PDCD6: variants seen among roughly 807,000 people sequenced by gnomAD.
PDCD6 encodes programmed cell death 6.
Under a neutral mutation model 28.3 loss-of-function variants are expected in PDCD6, and 12 were observed. The observed-to-expected ratio is 0.42, with a 90% confidence interval of 0.27 to 0.69. The LOEUF is 0.69. Among genes scored for constraint, PDCD6 ranks in the 30% least tolerant of loss-of-function variants. The pLI is 0.22. For synonymous variants in PDCD6, 92 were observed against 108.0 expected (o/e 0.85, Z 0.92); for missense variants, 226 against 269.9 (o/e 0.84, Z 1.14).
intron 2 of PDCD6, among the ~76,000 whole-genome samples, chr5:274,547 T>G (rs1414593416): frequency 6.6e-6 from 1 of 152,256 alleles, no homozygotes; most frequent in Non-Finnish European, 1.5e-5. Flanking sequence ...TCAGTAATTG[T>G]CAGCTGTGAG....
chr5:281,613 G>A (rs1429366171), intron 2 of PDCD6, among the ~76,000 whole-genome samples: 2 of 152,144 alleles, frequency 1.3e-5, no homozygotes, highest in Non-Finnish European at 2.9e-5. Context: ...GGAGACCAGG[G>A]AGGAACTGGT....
chr5:311,763 G>A (rs964130875), intron 5 of PDCD6: 25 of 240,070 alleles, frequency 1.0e-4, no homozygotes, highest in Non-Finnish European at 1.5e-4. Flanking sequence ...GCACGATCCC[G>A]GCTCACTCCC....
At chr5:290,524 A>G (rs1465627189) in intron 2 of PDCD6, among the ~76,000 whole-genome samples, 4 of 152,220 alleles carry the variant, frequency 2.6e-5, no homozygotes, top group African/African-American at 9.7e-5. Flanking sequence ...CCAAGCCACT[A>G]CCACCAACCC....
intron 2 of PDCD6, among the ~76,000 whole-genome samples, chr5:302,710 ACGGGTTCAGG>A (rs1365234101): frequency 1.1e-5 from 1 of 94,020 alleles, no homozygotes; most frequent in Admixed American, 1.2e-4. Flanking sequence ...TGTGTGGGCC[ACGGGTTCAGG>A]TGCACCTGCC....
rs182702865 is a variant in PDCD6 at position 281,086 on chromosome 5, T to C, written c.163+8314T>C. On this transcript the variant is annotated intron_variant, in intron 2 of 5. Transcript: ENST00000264933. Reference sequence around the variant, plus strand: ...TGGTGATTTTCTTTAAAAATACTACTAAGTTTTTAAACGTGATTTCAAATG... The same window carrying C: ...TGGTGATTTTCTTTAAAAATACTACCAAGTTTTTAAACGTGATTTCAAATG... Among the ~76,000 whole-genome samples the C allele has an allele frequency of 1.0e-3, 157 of 152,382 alleles. 1 individual carries two copies. Among genetic ancestry groups the C allele is most frequent in the Non-Finnish European group, 2.1e-3 (141 of 68,026 alleles).
At chr5:309,604 C>T (rs535525908) in intron 4 of PDCD6, 166 of 230,926 alleles carry the variant, frequency 7.2e-4, no homozygotes, top group Middle Eastern at 1.7e-3. Context: ...CGTCCCCGTG[C>T]ACCCCAGTGA....
At chr5:311,432 G>A in intron 5 of PDCD6, 30 bp downstream of exon 5, 1 of 1,496,556 alleles carries the variant, frequency 6.7e-7, no homozygotes, top group Non-Finnish European at 9.3e-7. Context: ...TGGGTTTGTG[G>A]TGGTGGTGGG....
At chr5:300,542 G>A (rs1325084672) in intron 2 of PDCD6, among the ~76,000 whole-genome samples, 2 of 152,240 alleles carry the variant, frequency 1.3e-5, no homozygotes, top group African/African-American at 4.8e-5. Flanking sequence ...CTTGGGATTT[G>A]GTGACAAGTG....
intron 2 of PDCD6, chr5:290,017 C>A (rs1739222193): frequency 6.3e-7 from 1 of 1,599,282 alleles, no homozygotes; most frequent in African/African-American, 1.3e-5. Context: ...TTCACATAGT[C>A]GCTGAATAGT....
chr5:306,782 G>T (rs376591688), intron 4 of PDCD6, 22 bp downstream of exon 4: 41 of 1,603,334 alleles, frequency 2.6e-5, no homozygotes, highest in Non-Finnish European at 2.8e-5. Flanking sequence ...ACTCTGGCTT[G>T]TGTAGCGTGT....
chr5:276,763 A>G (rs1738222155), intron 2 of PDCD6: 5 of 985,282 alleles, frequency 5.1e-6, no homozygotes, highest in Non-Finnish European at 6.0e-6. Context: ...GAGTGCTTGT[A>G]TTCTAGGTGA....
chr5:295,126 G>T (rs541580100), intron 2 of PDCD6, among the ~76,000 whole-genome samples: 1 of 152,126 alleles, frequency 6.6e-6, no homozygotes, highest in Non-Finnish European at 1.5e-5. Flanking sequence ...TTCAGTACAC[G>T]CAGACTGAAG....
intron 5 of PDCD6, chr5:311,747 G>A (rs932254662): frequency 7.7e-6 from 2 of 261,398 alleles, no homozygotes; most frequent in African/African-American, 2.3e-5. Flanking sequence ...AGACGGGAGT[G>A]CAGTGGCACG....
Position 303,087 on chromosome 5 carries a change from G to A in PDCD6, c.164-1090G>A, listed in dbSNP as rs532492151. Among the ~76,000 whole-genome samples the A allele has an allele frequency of 4.4e-4, 67 of 152,254 alleles. No individual in the cohort carries two copies. The South Asian group carries it at 0.013, about 31-fold the overall frequency. On this transcript the variant is annotated intron_variant, in intron 2 of 5. Coordinates refer to ENST00000264933, the MANE Select transcript of PDCD6 (RefSeq NM_013232.4). ...AAGGAAAGGAAGGAGCTGGAGGGAGGGTGTGTGTGTCTTAGGAGGGGACGC... is the reference window on the plus strand; with the variant it reads ...AAGGAAAGGAAGGAGCTGGAGGGAGAGTGTGTGTGTCTTAGGAGGGGACGC...
chr5:287,418 C>G (rs538122650), intron 2 of PDCD6, among the ~76,000 whole-genome samples: 1 of 152,114 alleles, frequency 6.6e-6, no homozygotes, highest in South Asian at 2.1e-4. Flanking sequence ...TCCTCGGGAT[C>G]AATGCATTCC....
intron 2 of PDCD6, among the ~76,000 whole-genome samples, chr5:278,447 T>A (rs1220439747): frequency 6.6e-6 from 1 of 151,512 alleles, no homozygotes; most frequent in African/African-American, 2.4e-5. Context: ...CGGTGGCTCA[T>A]GCTTGTAATC....
chr5:302,395 C>CTGTGTGTGTGTGTGTGTG (rs1561046930), intron 2 of PDCD6, among the ~76,000 whole-genome samples: 6 of 76,206 alleles, frequency 7.9e-5, no homozygotes, highest in African/African-American at 7.1e-4. Context: ...GAGTGCTGCT[C>CTGTGTGTGTGTGTGTGTG]TGTGTGTATG....
chr5:292,612 C>G (rs1467764709), intron 2 of PDCD6, among the ~76,000 whole-genome samples: 1 of 152,176 alleles, frequency 6.6e-6, no homozygotes, highest in African/African-American at 2.4e-5. Flanking sequence ...CGGTGACTAT[C>G]TGTATGGCAA....
chr5:282,930 G>T (rs934919186), intron 2 of PDCD6, among the ~76,000 whole-genome samples: 12 of 152,166 alleles, frequency 7.9e-5, no homozygotes. Flanking sequence ...TGCAGCAGAA[G>T]ACTCGGGGAG....
Sources: gnomAD v4.1 joint callset for allele counts (sites outside exome capture counted in the v4.1 genomes callset) on GRCh38, gnomAD v4.1.1 for gene constraint, MANE v1.5 for transcripts, NCBI Gene and HGNC (gene_info 2026-07-23, HGNC 2026-07-21) for gene names.